NFIA: variants seen among roughly 807,000 people sequenced by gnomAD.
The protein encoded by NFIA is nuclear factor 1 A-type.
In NFIA, 8 loss-of-function variants were observed where a neutral mutation model predicts 62.8. The observed-to-expected ratio is 0.13, with a 90% CI of 0.07 to 0.23. The LOEUF is 0.23. NFIA is among the 10% of genes least tolerant of loss of function. The pLI is 1.00. For synonymous variants in NFIA, 235 were observed against 238.1 expected (o/e 0.99, Z 0.12); for missense variants, 410 against 642.1 (o/e 0.64, Z 3.91).
intron 2 of NFIA, among the ~76,000 whole-genome samples, chr1:61,262,307 T>C (rs1169217562): frequency 6.6e-6 from 1 of 152,212 alleles, no homozygotes; most frequent in Non-Finnish European, 1.5e-5. Flanking sequence ...TCATTATGAC[T>C]TCAGTGTTTG....
intron 2 of NFIA, among the ~76,000 whole-genome samples, chr1:61,129,854 C>T (rs1007385955): frequency 8.5e-5 from 13 of 152,054 alleles, no homozygotes; most frequent in African/African-American, 2.7e-4. Context: ...TTAAAAATAT[C>T]GAATAAAGTT....
At chr1:61,350,811 C>T (rs189496807) in intron 4 of NFIA, among the ~76,000 whole-genome samples, 2 of 152,218 alleles carry the variant, frequency 1.3e-5, no homozygotes, top group Admixed American at 1.3e-4. Context: ...CCATCCCTTT[C>T]AGTTGCATAA....
At chr1:61,112,423 A>G (rs1646710508) in intron 2 of NFIA, among the ~76,000 whole-genome samples, 1 of 152,176 alleles carries the variant, frequency 6.6e-6, no homozygotes, top group African/African-American at 2.4e-5. Context: ...GTGTGTGTAT[A>G]TGTGTGCATG....
chr1:61,204,967 A>G lies in NFIA; in HGVS notation c.560-72553A>G, dbSNP rs1652798862. Among the ~76,000 whole-genome samples, 6 of 152,278 alleles carry G rather than the reference A, an allele frequency of 3.9e-5. No homozygotes were observed. In the South Asian group the frequency reaches 1.2e-3, roughly 32 times the overall value. On this transcript the variant is annotated intron_variant, in intron 2 of 10. Coordinates refer to ENST00000403491, the MANE Select transcript of NFIA (RefSeq NM_001134673.4). Reference sequence around the variant, plus strand: ...GATTGTATTCTGTTGGCCCAAACATACTTCACTTTGTTGAGAAGGTTTAGC... The same window carrying G: ...GATTGTATTCTGTTGGCCCAAACATGCTTCACTTTGTTGAGAAGGTTTAGC...
chr1:61,452,013 AG>A (rs1341624865), intron 10 of NFIA, among the ~76,000 whole-genome samples: 1 of 152,242 alleles, frequency 6.6e-6, no homozygotes, highest in African/African-American at 2.4e-5. Flanking sequence ...GAAAATATGC[AG>A]AATCATTCTT....
At chr1:61,319,790 AACACACAC>A (rs58845526) in intron 3 of NFIA, among the ~76,000 whole-genome samples, 20,965 of 139,438 alleles carry the variant, frequency 0.15, 1,588 homozygotes, top group Middle Eastern at 0.18. Context: ...GGAAGAATTA[AACACACAC>A]ACACACACAC....
intron 8 of NFIA, among the ~76,000 whole-genome samples, chr1:61,405,878 G>A (rs917442109): frequency 5.9e-5 from 9 of 152,152 alleles, no homozygotes; most frequent in African/African-American, 2.2e-4. Flanking sequence ...GACTCTTATG[G>A]CATATGCTTA....
chr1:61,415,809 A>G (rs143768825), intron 9 of NFIA, among the ~76,000 whole-genome samples: 60 of 152,302 alleles, frequency 3.9e-4, no homozygotes, highest in Admixed American at 1.1e-3. Flanking sequence ...TTGTACCTAT[A>G]TTAGTACATA....
chr1:61,273,087 C>T (rs1489538115), intron 2 of NFIA, among the ~76,000 whole-genome samples: 2 of 152,140 alleles, frequency 1.3e-5, no homozygotes, highest in African/African-American at 2.4e-5. Flanking sequence ...CCAGGAATGA[C>T]ATCGGTTTGT....
intron 9 of NFIA, among the ~76,000 whole-genome samples, chr1:61,414,383 A>C (rs1480630357): frequency 6.6e-6 from 1 of 152,248 alleles, no homozygotes; most frequent in African/African-American, 2.4e-5. Flanking sequence ...AAGACAAGGT[A>C]TGGAAAGATA....
intron 4 of NFIA, among the ~76,000 whole-genome samples, chr1:61,343,805 T>A (rs1362960519): frequency 1.3e-5 from 2 of 152,308 alleles, no homozygotes; most frequent in East Asian, 3.9e-4. Context: ...TATGATTGAT[T>A]TCCATTCAAG....
chr1:61,118,091 A>C (rs1039074821), intron 2 of NFIA, among the ~76,000 whole-genome samples: 8 of 152,012 alleles, frequency 5.3e-5, no homozygotes, highest in African/African-American at 1.7e-4. Context: ...AGGTTGAGAC[A>C]GGAGAATCAC....
intron 2 of NFIA, among the ~76,000 whole-genome samples, chr1:61,220,071 G>A (rs929880955): frequency 5.3e-5 from 8 of 152,186 alleles, no homozygotes; most frequent in Non-Finnish European, 1.0e-4. Flanking sequence ...CCAATGATAG[G>A]GAGGCATGTT....
At chr1:61,206,385 G>T (rs1198475021) in intron 2 of NFIA, among the ~76,000 whole-genome samples, 1 of 152,128 alleles carries the variant, frequency 6.6e-6, no homozygotes, top group East Asian at 1.9e-4. Flanking sequence ...CTTTTCTTAG[G>T]AGGAGAAGCT....
intron 7 of NFIA, among the ~76,000 whole-genome samples, chr1:61,390,722 G>A (rs1569730594): frequency 6.6e-6 from 1 of 152,132 alleles, no homozygotes; most frequent in Admixed American, 6.5e-5. Flanking sequence ...ATAGAGGAGC[G>A]GGGAAGGAGA....
chr1:61,082,043 C>T, upstream of NFIA: 1 of 1,548,172 alleles, frequency 6.5e-7, no homozygotes, highest in Non-Finnish European at 8.7e-7. Context: ...AAGTCCTCCA[C>T]CGAGGTCCGC....
At position 61,128,772 on chromosome 1, in the gene NFIA, AAT is replaced by A. The variant is rs1260316655; in HGVS notation, c.559+40093_559+40094del. 1.1e-4 allele frequency among the ~76,000 whole-genome samples: 17 copies of A among 152,092 alleles called. No individual in the cohort carries two copies. In the East Asian group the frequency reaches 3.3e-3, roughly 29 times the overall value. ...ATGATTTTACATATGTTAAGAAGAG[AAT>A]TTTAGACTTGAGACCTTAGGGAGAT... is the stretch of plus-strand genomic sequence containing the variant. On this transcript the variant is annotated intron_variant, in intron 2 of 10. Transcript: ENST00000403491.
chr1:61,101,720 G>A (rs1055631170), intron 2 of NFIA, among the ~76,000 whole-genome samples: 2 of 152,138 alleles, frequency 1.3e-5, no homozygotes, highest in African/African-American at 4.8e-5. Flanking sequence ...CTTTTACGCT[G>A]AAGTGGATTT....
At chr1:61,189,246 G>A (rs1285506336) in intron 2 of NFIA, among the ~76,000 whole-genome samples, 4 of 152,290 alleles carry the variant, frequency 2.6e-5, no homozygotes, top group African/African-American at 7.2e-5. Context: ...GAAGATTAGA[G>A]TGTGGAGCTG....
Sources: gnomAD v4.1 joint callset for allele counts (sites outside exome capture counted in the v4.1 genomes callset) on GRCh38, gnomAD v4.1.1 for gene constraint, MANE v1.5 for transcripts, NCBI Gene and HGNC (gene_info 2026-07-23, HGNC 2026-07-21) for gene names.